Variants in PIK3R5 observed in about 807,000 individuals in gnomAD.
PIK3R5 encodes the protein phosphoinositide-3-kinase regulatory subunit 5.
A neutral mutation model predicts 94.9 loss-of-function variants in PIK3R5; 32 were observed. The observed-to-expected ratio is 0.34, with a 90% CI of 0.25 to 0.45. PIK3R5 has a LOEUF of 0.45. PIK3R5 is among the 20% of genes least tolerant of loss of function. The probability of loss-of-function intolerance (pLI) is 1.00; values close to 1 mark genes in which losing one functional copy is unlikely to be tolerated. For missense variants in PIK3R5, 853 were observed against 1,144.6 expected (o/e 0.75, Z 3.68); for synonymous variants, 443 against 479.4 (o/e 0.92, Z 0.99).
intron 1 of PIK3R5, among the ~76,000 whole-genome samples, chr17:8,940,143 T>C (rs1336700152): frequency 6.6e-6 from 1 of 152,196 alleles, no homozygotes. Context: ...GAAGGTGTGG[T>C]GTCAGAGCCT....
intron 1 of PIK3R5, among the ~76,000 whole-genome samples, chr17:8,927,693 T>G (rs560700105): frequency 6.6e-6 from 1 of 152,298 alleles, no homozygotes; most frequent in Non-Finnish European, 1.5e-5. Context: ...TGTTAGAACT[T>G]AGATATGTTT....
intron 1 of PIK3R5, among the ~76,000 whole-genome samples, chr17:8,962,909 C>G (rs2091592186): frequency 6.6e-6 from 1 of 152,196 alleles, no homozygotes; most frequent in Admixed American, 6.5e-5. Flanking sequence ...GCTCAAAAAT[C>G]AAATTAAACA....
chr17:8,932,604 AG>A (rs2091006640), intron 1 of PIK3R5, among the ~76,000 whole-genome samples: 2 of 152,226 alleles, frequency 1.3e-5, no homozygotes, highest in African/African-American at 4.8e-5. Flanking sequence ...TGAAAAGAAA[AG>A]TTCATTGGAT....
Position 8,904,579 on chromosome 17 carries a change from T to C in PIK3R5, c.412+198A>G, listed in dbSNP as rs2090355881. ...TCCTCGAGTTACCTCCCATATTTAC[T>C]TTCATCTTGTGTGGATTCAACCATC... is the stretch of plus-strand genomic sequence containing the variant. On this transcript the variant is annotated intron_variant, in intron 5 of 18. Transcript: ENST00000447110. This position sits in a 1 kb window ranked among gnomAD's most constrained non-coding sequence, Gnocchi z 5.1. Among the ~76,000 whole-genome samples, 1 of 152,212 alleles carries C rather than the reference T, an allele frequency of 6.6e-6. No individual in the cohort carries two copies. The highest frequency in any genetic ancestry group is 1.5e-5 in the Non-Finnish European group (1 of 68,038).
intron 5 of PIK3R5, among the ~76,000 whole-genome samples, chr17:8,902,647 C>T (rs886368466): frequency 7.2e-5 from 11 of 152,056 alleles, no homozygotes; most frequent in African/African-American, 2.2e-4. Context: ...AAATTTTATG[C>T]TTTCATATCT....
At chr17:8,962,520 C>T (rs1272275733) in intron 1 of PIK3R5, among the ~76,000 whole-genome samples, 1 of 152,184 alleles carries the variant, frequency 6.6e-6, no homozygotes, top group East Asian at 1.9e-4. Context: ...TGTATGAAAG[C>T]TATGAGAACA....
intron 1 of PIK3R5, among the ~76,000 whole-genome samples, chr17:8,953,027 C>G (rs529597141): frequency 6.6e-5 from 10 of 152,326 alleles, no homozygotes; most frequent in African/African-American, 2.2e-4. Flanking sequence ...CCAGCTACAT[C>G]TATCTCAGAG....
intron 1 of PIK3R5, among the ~76,000 whole-genome samples, chr17:8,948,579 A>C (rs1422165312): frequency 6.6e-6 from 1 of 152,188 alleles, no homozygotes; most frequent in Non-Finnish European, 1.5e-5. Flanking sequence ...CCGCTTCATT[A>C]GTCAGAAGGG....
chr17:8,938,382 C>T (rs1195494990), intron 1 of PIK3R5, among the ~76,000 whole-genome samples: 1 of 152,070 alleles, frequency 6.6e-6, no homozygotes, highest in Non-Finnish European at 1.5e-5. Flanking sequence ...TTTTCTTGAG[C>T]TGTAATTCAT....
chr17:8,900,560 T>A (rs1319764774), intron 5 of PIK3R5, among the ~76,000 whole-genome samples: 1 of 152,172 alleles, frequency 6.6e-6, no homozygotes, highest in Non-Finnish European at 1.5e-5. Flanking sequence ...CACCAGGATA[T>A]CTGAAGCTTC....
intron 1 of PIK3R5, among the ~76,000 whole-genome samples, chr17:8,927,127 G>C (rs1244126132): frequency 1.3e-5 from 2 of 152,166 alleles, no homozygotes; most frequent in Non-Finnish European, 2.9e-5. Flanking sequence ...ATAGATTCCA[G>C]ACTTGGAGCT....
In PIK3R5 at chr17:8,893,141, AG is replaced by A. The variant is rs1157342064; in HGVS notation, c.482+444del. ...TTTTCTTATAGGTCCTGGTCAAAAA[AG>A]TTTGGAAACACTGTTTTAGTAACAG... On this transcript the variant is annotated intron_variant, in intron 6 of 18. Coordinates refer to ENST00000447110, the MANE Select transcript of PIK3R5 (RefSeq NM_001142633.3). The surrounding 1 kb of genome is among the most constrained non-coding windows in gnomAD (Gnocchi z 5.1). Among the ~76,000 whole-genome samples the A allele has an allele frequency of 1.3e-5, 2 of 151,932 alleles. No homozygotes were observed. Among genetic ancestry groups the A allele is most frequent in the African/African-American group, 2.4e-5 (1 of 41,290 alleles).
rs577194311 is a variant in PIK3R5, at chr17:8,957,253, C to T, written c.-14+8343G>A. 1.8e-3 allele frequency among the ~76,000 whole-genome samples: 274 copies of T among 152,304 alleles called. 3 individuals carry two copies. Among genetic ancestry groups the T allele is most frequent in the African/African-American group, 6.4e-3 (267 of 41,572 alleles). ...GTATTTTCCCTGCATACTTCCCCAACGGGAAACTAGCCACCACGAAGCCTC... is the reference window on the plus strand; with the variant it reads ...GTATTTTCCCTGCATACTTCCCCAATGGGAAACTAGCCACCACGAAGCCTC... On this transcript the variant is annotated intron_variant, in intron 1 of 18. Transcript: ENST00000447110.
chr17:8,934,223 C>T (rs1285310951), intron 1 of PIK3R5, among the ~76,000 whole-genome samples: 1 of 152,136 alleles, frequency 6.6e-6, no homozygotes, highest in African/African-American at 2.4e-5. Flanking sequence ...GCGAATTTAT[C>T]AAGGTTACAG....
chr17:8,936,641 C>T (rs1820150750), intron 1 of PIK3R5, among the ~76,000 whole-genome samples: 3 of 152,110 alleles, frequency 2.0e-5, no homozygotes, highest in African/African-American at 7.2e-5. Context: ...TATGGATGCA[C>T]CTTTATAGTA....
At chr17:8,958,082 T>A (rs1597439368) in intron 1 of PIK3R5, among the ~76,000 whole-genome samples, 1 of 152,218 alleles carries the variant, frequency 6.6e-6, no homozygotes, top group East Asian at 1.9e-4. Context: ...AGGCCAAGGC[T>A]GGTGGATCAC....
chr17:8,949,719 T>C (rs563351720), intron 1 of PIK3R5, among the ~76,000 whole-genome samples: 103 of 152,222 alleles, frequency 6.8e-4, no homozygotes, highest in Non-Finnish European at 1.1e-3. Flanking sequence ...GCTATACGGA[T>C]GCAAAGGCAT....
chr17:8,883,095 C>A (rs2089720649), intron 15 of PIK3R5, among the ~76,000 whole-genome samples: 1 of 152,138 alleles, frequency 6.6e-6, no homozygotes, highest in Non-Finnish European at 1.5e-5. Flanking sequence ...TTGGGTCGGG[C>A]GTGGTGGCTC....
rs376665235 is a variant in PIK3R5 at position 8,888,556 on chromosome 17, G to A, written c.1231C>T (p.Arg411Cys). 310 of 1,611,840 alleles carry A rather than the reference G, an allele frequency of 1.9e-4. No individual in the cohort carries two copies. The highest frequency in any genetic ancestry group is 2.5e-4 in the Non-Finnish European group (294 of 1,179,756). ...EWPWRRGSQE[R>C]RGHRRPGQKF... Reference sequence around the variant, plus strand: ...TGCCCAGGCCTGCGGTGGCCTCGGCGTTCCTGGCTGCCACGCCTCCAAGGC... The same window carrying A: ...TGCCCAGGCCTGCGGTGGCCTCGGCATTCCTGGCTGCCACGCCTCCAAGGC... Residue 411 changes from arginine to cysteine, a missense_variant, in exon 10 of 19, where the codon CGC becomes TGC. Physicochemically the swap from Arg to Cys is radical, Grantham distance 180. This residue lies in a region of PIK3R5 where 319 missense variants were observed against 339.8 expected (regional missense o/e 0.94). Transcript: ENST00000447110. This position sits in a 1 kb window ranked among gnomAD's most constrained non-coding sequence, Gnocchi z 7.8.
Sources: allele counts gnomAD v4.1 joint callset (sites outside exome capture counted in the v4.1 genomes callset), GRCh38; gene constraint gnomAD v4.1.1; regional missense constraint gnomAD v4.1.1; non-coding constraint Gnocchi (gnomAD v3.1); transcripts MANE v1.5; gene names NCBI Gene and HGNC (gene_info 2026-07-23, HGNC 2026-07-21).